The following RAB10 variants were observed in gnomAD, a reference collection of about 807,000 sequenced individuals.
RAB10 encodes the protein ras-related protein Rab-10.
Under a neutral mutation model 25.7 loss-of-function variants are expected in RAB10, and 5 were observed. The ratio of observed to expected loss-of-function variants is 0.19; its 90% CI spans 0.10 to 0.41. The LOEUF (loss-of-function observed/expected upper bound fraction) is 0.41, where lower values mean the gene tolerates loss of function less well. Ranked by LOEUF, RAB10 falls within the 10% of genes least tolerant of loss-of-function variation. The pLI, the probability that RAB10 is intolerant of heterozygous loss-of-function variation, is 1.00. For missense variants in RAB10, 103 were observed against 245.8 expected (o/e 0.42, Z 3.89); for synonymous variants, 89 against 86.4 (o/e 1.03, Z -0.16).
chr2:26,114,488 G>A (rs2149285396), intron 3 of RAB10, among the ~76,000 whole-genome samples: 1 of 152,230 alleles, frequency 6.6e-6, no homozygotes, highest in East Asian at 1.9e-4. Context: ...AATTCAATGG[G>A]CAAAAGAATA....
At chr2:26,095,910 C>CA (rs1667201558) in intron 1 of RAB10, among the ~76,000 whole-genome samples, 1 of 152,032 alleles carries the variant, frequency 6.6e-6, no homozygotes, top group African/African-American at 2.4e-5. Context: ...AGCCAGTCTC[C>CA]AAAAAACAAA....
chr2:26,045,921 A>C (rs1405417398), intron 1 of RAB10, among the ~76,000 whole-genome samples: 1 of 152,220 alleles, frequency 6.6e-6, no homozygotes, highest in Non-Finnish European at 1.5e-5. Flanking sequence ...TTAACAGGAC[A>C]TCTGAACCCA....
At chr2:26,059,356 A>G (rs1439898576) in intron 1 of RAB10, among the ~76,000 whole-genome samples, 1 of 152,214 alleles carries the variant, frequency 6.6e-6, no homozygotes, top group Non-Finnish European at 1.5e-5. Flanking sequence ...ATGAAATTTT[A>G]TTCTAGTGGG....
intron 1 of RAB10, among the ~76,000 whole-genome samples, chr2:26,071,872 AAAAT>A (rs1032667546): frequency 9.9e-5 from 15 of 152,152 alleles, no homozygotes; most frequent in East Asian, 1.9e-4. Flanking sequence ...GTCTCTTAAA[AAAAT>A]AAATAAATAA....
chr2:26,095,475 C>T (rs1473333117), intron 1 of RAB10, among the ~76,000 whole-genome samples: 2 of 152,122 alleles, frequency 1.3e-5, no homozygotes, highest in African/African-American at 4.8e-5. Flanking sequence ...GGCATGGTGG[C>T]GGATGCCTGT....
chr2:26,089,726 G>C (rs1260339471), intron 1 of RAB10, among the ~76,000 whole-genome samples: 1 of 151,994 alleles, frequency 6.6e-6, no homozygotes, highest in African/African-American at 2.4e-5. Context: ...CCTAGTCTTA[G>C]AAACACTCTT....
chr2:26,048,341 T>C (rs1233799869), intron 1 of RAB10, among the ~76,000 whole-genome samples: 1 of 152,194 alleles, frequency 6.6e-6, no homozygotes, highest in East Asian at 1.9e-4. Context: ...AGTGTATGAG[T>C]GCACTTTCTC....
At chr2:26,040,832 G>A (rs956581807) in intron 1 of RAB10, among the ~76,000 whole-genome samples, 15 of 151,928 alleles carry the variant, frequency 9.9e-5, no homozygotes, top group Admixed American at 9.8e-4. Context: ...TTTATAGGAT[G>A]GTGTTCACAA....
intron 3 of RAB10, among the ~76,000 whole-genome samples, chr2:26,120,676 A>G (rs892249008): frequency 2.0e-5 from 3 of 150,472 alleles, no homozygotes; most frequent in African/African-American, 7.3e-5. Flanking sequence ...TGCAAGCTCT[A>G]CCTCCCGGGT....
intron 3 of RAB10, among the ~76,000 whole-genome samples, chr2:26,126,801 A>G (rs1259682495): frequency 1.3e-5 from 2 of 152,252 alleles, no homozygotes; most frequent in African/African-American, 2.4e-5. Context: ...ATAGGGTAGT[A>G]TGCATTATAA....
intron 1 of RAB10, among the ~76,000 whole-genome samples, chr2:26,062,700 A>AAATG (rs1666430002): frequency 1.3e-5 from 2 of 151,432 alleles, no homozygotes; most frequent in South Asian, 4.2e-4. Context: ...ATAAATAAAT[A>AAATG]AATAAAGGAA....
chr2:26,113,757 A>G (rs67374142), intron 3 of RAB10, among the ~76,000 whole-genome samples: 2,601 of 149,264 alleles, frequency 0.017, 23 homozygotes, highest in Middle Eastern at 0.027. Context: ...AAAAAAAAAA[A>G]AAAGAAAGAA....
intron 2 of RAB10, among the ~76,000 whole-genome samples, chr2:26,107,575 C>T (rs953785036): frequency 6.6e-6 from 1 of 152,126 alleles, no homozygotes; most frequent in Non-Finnish European, 1.5e-5. Context: ...GCGGGCTGAT[C>T]ACCTGAGGTC....
chr2:26,036,486 C>G (rs1455260818), intron 1 of RAB10, among the ~76,000 whole-genome samples: 1 of 151,982 alleles, frequency 6.6e-6, no homozygotes. Flanking sequence ...TGGTGAAACC[C>G]CGTTTTTACT....
intron 1 of RAB10, among the ~76,000 whole-genome samples, chr2:26,080,109 G>C (rs560273391): frequency 6.6e-6 from 1 of 152,328 alleles, no homozygotes; most frequent in East Asian, 1.9e-4. Context: ...CATGTTAGAA[G>C]TACACAGGAG....
At chr2:26,077,811 C>T (rs1666770803) in intron 1 of RAB10, among the ~76,000 whole-genome samples, 1 of 151,958 alleles carries the variant, frequency 6.6e-6, no homozygotes, top group Non-Finnish European at 1.5e-5. Context: ...AACTCCGTCT[C>T]TGTTAAAAAT....
At position 26,034,543 on chromosome 2, in the gene RAB10, TG is replaced by T; in HGVS notation, c.-64del. On this transcript the variant is annotated 5_prime_UTR_variant, in exon 1 of 6. Transcript: ENST00000264710. ...GCCTGAGAACGCCCGAGTGAGGAGTTGGCCGTAGTGAGAGGGACCGATCCCT... is the reference window on the plus strand; with the variant it reads ...GCCTGAGAACGCCCGAGTGAGGAGTTGCCGTAGTGAGAGGGACCGATCCCT... 6.2e-7 allele frequency: 1 copy of T among 1,602,028 alleles called. No homozygotes were observed. Among genetic ancestry groups the T allele is most frequent in the Non-Finnish European group, 8.5e-7 (1 of 1,174,024 alleles).
intron 3 of RAB10, among the ~76,000 whole-genome samples, chr2:26,114,955 C>T (rs946864990): frequency 6.6e-6 from 1 of 151,760 alleles, no homozygotes; most frequent in Non-Finnish European, 1.5e-5. Context: ...AGATCTAAAG[C>T]CATGAAGTGG....
intron 1 of RAB10, among the ~76,000 whole-genome samples, chr2:26,057,279 G>C (rs1331115963): frequency 6.6e-6 from 1 of 152,020 alleles, no homozygotes; most frequent in Non-Finnish European, 1.5e-5. Context: ...CAAAAGCTAA[G>C]GAAGCTGGGC....
Sources: allele counts gnomAD v4.1 joint callset (sites outside exome capture counted in the v4.1 genomes callset), GRCh38; gene constraint gnomAD v4.1.1; transcripts MANE v1.5; gene names NCBI Gene and HGNC (gene_info 2026-07-23, HGNC 2026-07-21).